NFATC3: variants seen among roughly 807,000 people sequenced by gnomAD.
The protein encoded by NFATC3 is nuclear factor of activated T cells 3.
A neutral mutation model predicts 98.6 loss-of-function variants in NFATC3; 46 were observed. The observed-to-expected ratio is 0.47, with a 90% CI of 0.37 to 0.60. The LOEUF (loss-of-function observed/expected upper bound fraction) is 0.60, where lower values mean the gene tolerates loss of function less well. NFATC3 is among the 20% of genes least tolerant of loss of function. The probability of loss-of-function intolerance (pLI) is 0.00; values close to 1 mark genes in which losing one functional copy is unlikely to be tolerated. For missense variants in NFATC3, 1,256 were observed against 1,295.5 expected (o/e 0.97, Z 0.47); for synonymous variants, 512 against 472.2 (o/e 1.08, Z -1.09).
At chr16:68,138,852 A>G in intron 3 of NFATC3, 1 of 1,130,256 alleles carries the variant, frequency 8.8e-7, no homozygotes, top group Admixed American at 3.6e-5. Context: ...CTAAGTCACT[A>G]ATACGGGCTC....
chr16:68,122,367 C>T lies in NFATC3; in HGVS notation c.484C>T (p.Leu162Phe). The part of the protein sequence containing the change: ...PLEPSYRESS[L>F]SPSPASSISS... ...TGAGCCATCCTACCGGGAGTCTTCT[C>T]TTAGTCCTAGTCCTGCCAGCAGCAT... Residue 162 changes from leucine (L) to phenylalanine (F), a missense_variant, in exon 2 of 10, where the codon CTT becomes TTT. Transcript: ENST00000346183. 1 of 1,614,154 alleles carries T rather than the reference C, an allele frequency of 6.2e-7. No homozygotes were observed. The highest frequency in any genetic ancestry group is 8.5e-7 in the Non-Finnish European group (1 of 1,180,030).
intron 1 of NFATC3, among the ~76,000 whole-genome samples, chr16:68,120,279 CAAAA>C (rs564432522): frequency 1.1e-5 from 1 of 90,232 alleles, no homozygotes. Flanking sequence ...GACCTAGTCT[CAAAA>C]AAAAAAAAAA....
chr16:68,224,647 G>C (rs535961036), intron 9 of NFATC3: 1 of 145,968 alleles, frequency 6.9e-6, no homozygotes, highest in Non-Finnish European at 1.5e-5. Flanking sequence ...GCACAATCTC[G>C]GCTCACTGCA....
Position 68,199,491 on chromosome 16 carries a change from TGG to T in NFATC3, c.3106+7718_3106+7719del, listed in dbSNP as rs2040820710. On this transcript the variant is annotated intron_variant, in intron 9 of 9. Transcript: ENST00000346183. ...CGCCCACCTCTGCCTCCCAAAGTGC[TGG>T]GATTACAGGCGTGAGCCACCGCGCC... 2.0e-5 allele frequency among the ~76,000 whole-genome samples: 3 copies of T among 149,680 alleles called. No homozygotes were observed. The South Asian group carries it at 6.3e-4, about 32-fold the overall frequency.
chr16:68,201,957 CAAAAA>C (rs778770193), intron 9 of NFATC3, among the ~76,000 whole-genome samples: 5 of 23,644 alleles, frequency 2.1e-4, no homozygotes, highest in African/African-American at 5.4e-4. Flanking sequence ...GACTCCATCT[CAAAAA>C]AAAAAAAAAA....
In NFATC3 at chr16:68,181,869, G is replaced by T. The variant is rs58757573; in HGVS notation, c.1971+339G>T. 7.6e-3 allele frequency among the ~76,000 whole-genome samples: 1,151 copies of T among 152,312 alleles called. 16 individuals carry two copies. The highest frequency in any genetic ancestry group is 0.026 in the African/African-American group (1,067 of 41,568). ...CTGAGCCTGGGAGGTCAAGGCTGCA[G>T]TGAGCCATGATCATGCCACTGCACT... On this transcript the variant is annotated intron_variant, in intron 7 of 9. Transcript: ENST00000346183.
intron 1 of NFATC3, among the ~76,000 whole-genome samples, chr16:68,104,179 C>T (rs924351186): frequency 6.6e-6 from 1 of 152,100 alleles, no homozygotes; most frequent in African/African-American, 2.4e-5. Context: ...AGTCTTACCA[C>T]TTATTTAGGT....
chr16:68,215,895 A>C (rs1047309756), intron 9 of NFATC3, among the ~76,000 whole-genome samples: 4 of 151,466 alleles, frequency 2.6e-5, no homozygotes, highest in Admixed American at 6.6e-5. Flanking sequence ...CGCCCGGCTA[A>C]TTTTTTGTAT....
chr16:68,187,913 C>T (rs775744976), intron 8 of NFATC3, among the ~76,000 whole-genome samples: 4 of 152,136 alleles, frequency 2.6e-5, no homozygotes, highest in African/African-American at 4.8e-5. Flanking sequence ...CACCTCTTTC[C>T]GCCCAGGAAC....
chr16:68,223,001 T>C (rs1028896675), intron 9 of NFATC3, among the ~76,000 whole-genome samples: 1 of 152,200 alleles, frequency 6.6e-6, no homozygotes, highest in Admixed American at 6.5e-5. Context: ...TTATGCCCAC[T>C]TTATATTCCC....
intron 3 of NFATC3, among the ~76,000 whole-genome samples, chr16:68,151,257 G>A (rs7193701): frequency 0.22 from 32,931 of 151,696 alleles, 4,132 homozygotes; most frequent in African/African-American, 0.33. Flanking sequence ...GTAGTTGGAC[G>A]CTTACACATG....
chr16:68,174,388 C>G lies in NFATC3; in HGVS notation c.1789C>G (p.Gln597Glu). The change falls in exon 6 of 10, where the codon CAA (glutamine) becomes GAA (glutamate). Residue 597 changes from glutamine to glutamate, a missense_variant. Gln to Glu is a conservative substitution (Grantham distance 29). Coordinates refer to ENST00000346183, the MANE Select transcript of NFATC3 (RefSeq NM_173165.3). ...ATTTAAAACAGCCCAGCGGTCTGCT[C>G]AAGAACTTCCTCATATTGAGAAGTA... ...IPVECSQRSA[Q>E]ELPHIEKYSI... 6.5e-7 allele frequency: 1 copy of G among 1,536,940 alleles called. No individual in the cohort carries two copies. Among genetic ancestry groups the G allele is most frequent in the South Asian group, 1.4e-5 (1 of 74,012 alleles).
rs77793549 is a variant in NFATC3 at position 68,184,061 on chromosome 16, C to T, written c.2098+695C>T. On this transcript the variant is annotated intron_variant, in intron 8 of 9. Coordinates refer to ENST00000346183, the MANE Select transcript of NFATC3 (RefSeq NM_173165.3). Reference sequence around the variant, plus strand: ...TTAACAGAAAGGTAACATGATCAGACTTGTGTTTCAAAATCATTTTCCTCA... The same window carrying T: ...TTAACAGAAAGGTAACATGATCAGATTTGTGTTTCAAAATCATTTTCCTCA... Among the ~76,000 whole-genome samples, 413 of 147,848 alleles carry T rather than the reference C, an allele frequency of 2.8e-3. 2 individuals carry two copies. The highest frequency in any genetic ancestry group is 3.5e-3 in the Middle Eastern group (1 of 284).
chr16:68,165,722 G>A (rs1346905446), intron 4 of NFATC3, among the ~76,000 whole-genome samples: 1 of 152,110 alleles, frequency 6.6e-6, no homozygotes, highest in Non-Finnish European at 1.5e-5. Flanking sequence ...TCCTAGTTCT[G>A]TAATATATTG....
chr16:68,202,877 C>T (rs1207709483), intron 9 of NFATC3, among the ~76,000 whole-genome samples: 7 of 151,886 alleles, frequency 4.6e-5, no homozygotes, highest in African/African-American at 1.7e-4. Context: ...CATACACAGC[C>T]AGTGGTGAGA....
chr16:68,089,331 A>G (rs1598335914), intron 1 of NFATC3: 12 of 959,102 alleles, frequency 1.3e-5, no homozygotes, highest in Non-Finnish European at 1.5e-5. Context: ...TATGTTGTAT[A>G]CATTTGTGAC....
At chr16:68,160,037 C>T (rs756877290) in intron 4 of NFATC3, among the ~76,000 whole-genome samples, 1 of 151,816 alleles carries the variant, frequency 6.6e-6, no homozygotes, top group South Asian at 2.1e-4. Flanking sequence ...GAGATCACTC[C>T]ATTGCATCAA....
At chr16:68,157,834 A>G (rs763504144) in intron 3 of NFATC3, 35 bp from the exon 4 acceptor site, 1 of 1,553,832 alleles carries the variant, frequency 6.4e-7, no homozygotes, top group Non-Finnish European at 8.8e-7. Flanking sequence ...ATGGATAATG[A>G]ATTGTGCTTT....
chr16:68,204,427 C>T (rs921083038), intron 9 of NFATC3, among the ~76,000 whole-genome samples: 5 of 152,084 alleles, frequency 3.3e-5, no homozygotes, highest in African/African-American at 1.2e-4. Context: ...TTTTTTTGAA[C>T]ACTGTGCTAG....
Sources: allele counts gnomAD v4.1 joint callset (sites outside exome capture counted in the v4.1 genomes callset), GRCh38; gene constraint gnomAD v4.1.1; transcripts MANE v1.5; gene names NCBI Gene and HGNC (gene_info 2026-07-23, HGNC 2026-07-21).